COL4A6: variants seen among roughly 807,000 people sequenced by gnomAD.
COL4A6 encodes collagen type IV alpha 6 chain, also known as collagen alpha-6(IV) chain.
A neutral mutation model predicts 126.7 loss-of-function variants in COL4A6; 59 were observed. The ratio of observed to expected loss-of-function variants is 0.47; its 90% CI spans 0.38 to 0.58. The LOEUF is 0.58. COL4A6 is among the 20% of genes least tolerant of loss of function. The pLI is 0.00. For synonymous variants in COL4A6, 547 were observed against 496.6 expected, an observed-to-expected ratio of 1.10 and a Z score of -1.35; for missense variants, 1,285 against 1,337.3, an observed-to-expected ratio of 0.96 and a Z score of 0.61.
intron 2 of COL4A6, among the ~76,000 whole-genome samples, chrX:108,348,069 T>G (rs2039752143): frequency 9.0e-6 from 1 of 111,421 alleles, no homozygotes; most frequent in African/African-American, 3.3e-5. Flanking sequence ...AGTCACCATA[T>G]CCGCACAGCT....
intron 23 of COL4A6, among the ~76,000 whole-genome samples, chrX:108,186,447 T>C (rs1422153471): frequency 8.9e-6 from 1 of 112,265 alleles, no homozygotes; most frequent in Non-Finnish European, 1.9e-5. Context: ...GTGTCACTAA[T>C]GGAAGCATAG....
intron 2 of COL4A6, among the ~76,000 whole-genome samples, chrX:108,370,408 G>A (rs1308863042): frequency 1.8e-5 from 2 of 111,311 alleles, no homozygotes; most frequent in Non-Finnish European, 3.8e-5. Flanking sequence ...GGACCGGATG[G>A]AGAAATAGGA....
chrX:108,362,136 C>T (rs751874527), intron 2 of COL4A6, among the ~76,000 whole-genome samples: 6 of 110,463 alleles, frequency 5.4e-5, no homozygotes, highest in Middle Eastern at 4.6e-3. Flanking sequence ...AGAGAGAGCA[C>T]GTGTGCTCAA....
intron 2 of COL4A6, among the ~76,000 whole-genome samples, chrX:108,391,798 C>T (rs1045783650): frequency 4.4e-5 from 5 of 112,369 alleles, no homozygotes; most frequent in South Asian, 3.7e-4. Context: ...CTGTGTGAGG[C>T]GCTGCCCCAC....
intron 2 of COL4A6, among the ~76,000 whole-genome samples, chrX:108,431,406 G>GA (rs2147395731): frequency 9.0e-6 from 1 of 111,416 alleles, no homozygotes; most frequent in East Asian, 2.8e-4. Context: ...CTAAAATCCT[G>GA]AAAATCACAA....
chrX:108,175,330 A>G (rs1602729058), intron 29 of COL4A6, 115 bp from the exon 30 acceptor site: 2 of 891,639 alleles, frequency 2.2e-6, no homozygotes, highest in East Asian at 7.0e-5. Flanking sequence ...GGGCCTTTCC[A>G]TCTTATTCCC....
At chrX:108,179,468 C>G in intron 25 of COL4A6, 30 bp from the exon 26 acceptor site, 1 of 1,124,452 alleles carries the variant, frequency 8.9e-7, no homozygotes, top group South Asian at 2.0e-5. Context: ...CATAAAAGAC[C>G]ATGGCTGTTT....
At chrX:108,396,664 C>T (rs765983020) in intron 2 of COL4A6, among the ~76,000 whole-genome samples, 1 of 111,725 alleles carries the variant, frequency 9.0e-6, no homozygotes, top group African/African-American at 3.2e-5. Flanking sequence ...GGAGATAACA[C>T]TTCCAATTCA....
At chrX:108,314,894 G>A (rs955624116) in intron 2 of COL4A6, among the ~76,000 whole-genome samples, 1 of 111,687 alleles carries the variant, frequency 9.0e-6, no homozygotes, top group African/African-American at 3.3e-5. Flanking sequence ...CTAAGTGTCA[G>A]CTATTATTAT....
intron 21 of COL4A6, 77 bp from the exon 22 acceptor site, chrX:108,188,104 T>A: frequency 1.2e-6 from 1 of 869,208 alleles, no homozygotes; most frequent in East Asian, 3.1e-5. Flanking sequence ...GCATTATGAC[T>A]TAGAGCAGAA....
At chrX:108,351,440 CTCTGTGTGTGTG>C (rs1321423149) in intron 2 of COL4A6, among the ~76,000 whole-genome samples, 1 of 97,898 alleles carries the variant, frequency 1.0e-5, no homozygotes, top group Non-Finnish European at 2.0e-5. Flanking sequence ...AACTCTCTCT[CTCTGTGTGTGTG>C]TGTGTGTGTG....
At chrX:108,329,948 T>C (rs1476229790) in intron 2 of COL4A6, among the ~76,000 whole-genome samples, 2 of 110,675 alleles carry the variant, frequency 1.8e-5, no homozygotes, top group Non-Finnish European at 3.8e-5. Flanking sequence ...GACCAATTTG[T>C]GTGTATGTGT....
intron 3 of COL4A6, among the ~76,000 whole-genome samples, chrX:108,223,286 G>A (rs1018472686): frequency 9.0e-6 from 1 of 111,200 alleles, no homozygotes; most frequent in African/African-American, 3.3e-5. Flanking sequence ...TGTAAATGAC[G>A]GGTTAATGGG....
intron 37 of COL4A6, among the ~76,000 whole-genome samples, 161 bp downstream of exon 37, chrX:108,169,334 C>T (rs2034225014): frequency 8.9e-6 from 1 of 111,986 alleles, no homozygotes; most frequent in Admixed American, 9.4e-5. Flanking sequence ...CACAGCCTAA[C>T]CTCTCTTTCT....
intron 3 of COL4A6, among the ~76,000 whole-genome samples, chrX:108,282,948 G>A (rs1342984824): frequency 5.3e-5 from 5 of 94,529 alleles, no homozygotes; most frequent in African/African-American, 7.9e-5. Context: ...ATTGAACAAT[G>A]AGAACACATG....
chrX:108,227,977 G>GA (rs1373255018), intron 3 of COL4A6, among the ~76,000 whole-genome samples: 1 of 112,325 alleles, frequency 8.9e-6, no homozygotes, highest in African/African-American at 3.2e-5. Flanking sequence ...CAGAATCACT[G>GA]AAAAGAAAGC....
chrX:108,314,377 C>G (rs962401016), intron 2 of COL4A6, among the ~76,000 whole-genome samples: 2 of 111,928 alleles, frequency 1.8e-5, no homozygotes, highest in African/African-American at 6.5e-5. Context: ...AATATTCTTC[C>G]TACTGTTCCG....
chrX:108,345,361 A>G (rs2039682376), intron 2 of COL4A6, among the ~76,000 whole-genome samples: 1 of 111,900 alleles, frequency 8.9e-6, no homozygotes, highest in Non-Finnish European at 1.9e-5. Context: ...TCTAAATAAA[A>G]CACATGTAGT....
intron 3 of COL4A6, among the ~76,000 whole-genome samples, chrX:108,253,095 A>T (rs1369680701): frequency 8.9e-6 from 1 of 111,971 alleles, no homozygotes; most frequent in Non-Finnish European, 1.9e-5. Flanking sequence ...CAAGACAAGG[A>T]TACCCACTTG....
Sources: allele counts gnomAD v4.1 joint callset (sites outside exome capture counted in the v4.1 genomes callset), GRCh38; gene constraint gnomAD v4.1.1; transcripts MANE v1.5; gene names NCBI Gene and HGNC (gene_info 2026-07-23, HGNC 2026-07-21).